OTUD5: variants seen among roughly 807,000 people sequenced by gnomAD.
The protein encoded by OTUD5 is OTU deubiquitinase 5, also known as OTU domain-containing protein 5.
A neutral mutation model predicts 36.3 loss-of-function variants in OTUD5; 2 were observed. The ratio of observed to expected loss-of-function variants is 0.06; its 90% CI spans 0.02 to 0.17. OTUD5 has a LOEUF of 0.17. OTUD5 is among the 10% of genes least tolerant of loss of function. The pLI is 1.00. For missense variants in OTUD5, 233 were observed against 512.3 expected (o/e 0.45, Z 5.26); for synonymous variants, 234 against 214.9 (o/e 1.09, Z -0.78).
intron 1 of OTUD5, 61 bp from the exon 2 acceptor site, chrX:48,944,344 G>A (rs933397226): frequency 5.4e-5 from 40 of 742,304 alleles, no homozygotes; most frequent in Non-Finnish European, 6.4e-5. Flanking sequence ...CCAGGGCCCC[G>A]ACCTCAAGCT....
At chrX:48,950,350 C>T (rs1395545715) in intron 1 of OTUD5, among the ~76,000 whole-genome samples, 15 of 109,020 alleles carry the variant, frequency 1.4e-4, no homozygotes, top group Admixed American at 1.3e-3. Context: ...AAGATGGAGG[C>T]AGAGATTAGA....
chrX:48,928,043 A>G (rs1245391183), intron 5 of OTUD5, among the ~76,000 whole-genome samples: 1 of 113,038 alleles, frequency 8.8e-6, no homozygotes, highest in Admixed American at 9.4e-5. Flanking sequence ...GCATTTGCCA[A>G]TAGGCAACTG....
At chrX:48,950,573 C>T (rs1346414854) in intron 1 of OTUD5, among the ~76,000 whole-genome samples, 1 of 87,625 alleles carries the variant, frequency 1.1e-5, no homozygotes, top group East Asian at 3.6e-4. Context: ...GATGGAGTCT[C>T]GCTCTGTCAC....
intron 2 of OTUD5, among the ~76,000 whole-genome samples, chrX:48,941,308 G>T (rs374221152): frequency 5.5e-5 from 6 of 108,391 alleles, no homozygotes; most frequent in African/African-American, 2.0e-4. Context: ...GTGCACGCCT[G>T]TAATCCTAGC....
At position 48,923,870 on chromosome X, in the gene OTUD5, A is replaced by T. The variant is rs1557047016; in HGVS notation, c.1446T>A (p.Pro482=). 8.3e-7 allele frequency: 1 copy of T among 1,211,616 alleles called. No homozygotes were observed. The highest frequency in any genetic ancestry group is 3.0e-5 in the East Asian group (1 of 33,816). ...ACTGACCTGGCGCACAGGGCGAAGG[A>T]GGTTTGGCAAGAGCTAAAACAGTGC... ...SPGTVLALAK[P]PSPCAPGTSS... The change falls in exon 7 of 9, where the codon CCT becomes CCA. Residue 482 remains proline, a synonymous_variant. Transcript: ENST00000376488.
At position 48,922,200 on chromosome X, in the gene OTUD5, A is replaced by T. The variant is rs1163950425; in HGVS notation, c.*974T>A. The T allele has an allele frequency of 1.8e-5, 2 of 111,872 alleles. No homozygotes were observed. Among genetic ancestry groups the T allele is most frequent in the Non-Finnish European group, 3.8e-5 (2 of 53,127 alleles). 9.2% of individuals were successfully genotyped at this position (111,872 alleles called of 1,213,427 possible). A position where few individuals can be genotyped will look rare whatever the true frequency, so the allele number is the denominator to read the frequency against. ...CCAACCCCTGCCCCACACAGAACAG[A>T]GTCGCTCAGGGAAACTGACATTTGG... is the stretch of plus-strand genomic sequence containing the variant. On this transcript the variant is annotated 3_prime_UTR_variant, in exon 9 of 9. Transcript: ENST00000376488.
chrX:48,942,299 T>TAC (rs61325018), intron 2 of OTUD5, among the ~76,000 whole-genome samples: 4,016 of 54,912 alleles, frequency 0.073, 192 homozygotes, highest in African/African-American at 0.14. Context: ...GCTAGCTAGA[T>TAC]ACACACACAC....
Position 48,954,619 on chromosome X carries a change from G to A in OTUD5, c.594+2358C>T, listed in dbSNP as rs139226325. On this transcript the variant is annotated intron_variant, in intron 1 of 8. Coordinates refer to ENST00000376488, the MANE Select transcript of OTUD5 (RefSeq NM_001136157.2). The stretch of plus-strand genomic sequence containing the variant: ...AACAAGGAGCTCAAGACAAGGCTTG[G>A]GGCCCCTGTGAAGTACAGAAAGATT... 3.6e-4 allele frequency among the ~76,000 whole-genome samples: 40 copies of A among 111,543 alleles called. No homozygotes were observed. In the East Asian group the frequency reaches 0.01, roughly 28 times the overall value.
chrX:48,946,183 A>G (rs959348228), intron 1 of OTUD5, among the ~76,000 whole-genome samples: 5 of 112,361 alleles, frequency 4.4e-5, no homozygotes, highest in Non-Finnish European at 7.5e-5. Flanking sequence ...TTGTAAGCAC[A>G]AGGTTTGGAA....
chrX:48,935,144 T>G, intron 2 of OTUD5, 126 bp from the exon 3 acceptor site: 1 of 640,178 alleles, frequency 1.6e-6, no homozygotes, highest in Non-Finnish European at 2.4e-6. Flanking sequence ...CCCCAAGGCC[T>G]GGAGAGTTCT....
At chrX:48,948,124 G>A (rs1202994734) in intron 1 of OTUD5, among the ~76,000 whole-genome samples, 1 of 112,778 alleles carries the variant, frequency 8.9e-6, no homozygotes, top group African/African-American at 3.2e-5. Flanking sequence ...AAGGCGGAAG[G>A]ATCATCTGAG....
At position 48,957,449 on chromosome X, in the gene OTUD5, C is replaced by G; in HGVS notation, c.122G>C (p.Gly41Ala). The G allele has an allele frequency of 5.1e-6, 5 of 985,755 alleles. No individual in the cohort carries two copies. In the South Asian group the frequency reaches 1.2e-4, roughly 24 times the overall value. The allele number at this position is 985,755 out of a possible 1,213,427, so 81.2% of individuals were successfully genotyped here. A position where few individuals can be genotyped will look rare whatever the true frequency, so the allele number is the denominator to read the frequency against. ...ATCGCCGCCGCCCACGCCCGTGCCG[C>G]CGCCGCCCACGCCCACACCTCCGCC... ...RRGGGVGVGG[G>A]GTGVGGGDRD... Residue 41 changes from glycine to alanine, a missense_variant, in exon 1 of 9, where the codon GGC becomes GCC. Physicochemically the swap from Gly to Ala is moderately conservative, Grantham distance 60. Transcript: ENST00000376488.
chrX:48,944,080 C>A, intron 2 of OTUD5, 110 bp downstream of exon 2: 1 of 532,056 alleles, frequency 1.9e-6, no homozygotes, highest in East Asian at 3.6e-5. Flanking sequence ...CCTAGAGTCC[C>A]TAAAAGATTA....
intron 2 of OTUD5, among the ~76,000 whole-genome samples, chrX:48,942,244 T>TACATACACAC: frequency 1.8e-5 from 1 of 57,094 alleles, no homozygotes; most frequent in East Asian, 6.2e-4. Flanking sequence ...CACACACACA[T>TACATACACAC]ACACACACAC....
intron 2 of OTUD5, among the ~76,000 whole-genome samples, chrX:48,942,230 GATACACACACAC>G (rs2063937156): frequency 3.6e-5 from 1 of 27,691 alleles, no homozygotes; most frequent in African/African-American, 8.6e-5. Flanking sequence ...CAGCTAGCTA[GATACACACACAC>G]ATACACACAC....
chrX:48,941,513 C>A (rs2063923265), intron 2 of OTUD5, among the ~76,000 whole-genome samples: 1 of 107,021 alleles, frequency 9.3e-6, no homozygotes, highest in Admixed American at 1.0e-4. Flanking sequence ...CAGGCCAGCT[C>A]TGGCTAATGG....
At chrX:48,934,120 G>A (rs2063796906) in intron 5 of OTUD5, among the ~76,000 whole-genome samples, 1 of 111,231 alleles carries the variant, frequency 9.0e-6, no homozygotes, top group South Asian at 3.7e-4. Context: ...CTGTGACCAT[G>A]GCTGTCTGTA....
intron 1 of OTUD5, among the ~76,000 whole-genome samples, chrX:48,950,134 C>CAAAAA (rs782788886): frequency 2.1e-5 from 1 of 47,146 alleles, no homozygotes; most frequent in Admixed American, 2.7e-4. Flanking sequence ...GATTCCACCT[C>CAAAAA]AAAAAAAAAA....
chrX:48,950,604 G>A (rs1411168845), intron 1 of OTUD5, among the ~76,000 whole-genome samples: 2 of 97,931 alleles, frequency 2.0e-5, no homozygotes, highest in African/African-American at 7.7e-5. Flanking sequence ...GTGCAGTGGC[G>A]CAATCTCAGC....
Sources: gnomAD v4.1 joint callset for allele counts (sites outside exome capture counted in the v4.1 genomes callset) on GRCh38, gnomAD v4.1.1 for gene constraint, MANE v1.5 for transcripts, NCBI Gene and HGNC (gene_info 2026-07-23, HGNC 2026-07-21) for gene names.